Variants in GALNTL6 observed in about 807,000 individuals in gnomAD.
The protein encoded by GALNTL6 is polypeptide N-acetylgalactosaminyltransferase-like 6.
In GALNTL6, 46 loss-of-function variants were observed where a neutral mutation model predicts 73.7. That is an observed-to-expected ratio of 0.62 (90% CI 0.49 to 0.80). The LOEUF is 0.80. Among genes scored for constraint, GALNTL6 ranks in the 30% least tolerant of loss-of-function variants. The pLI is 0.00. For missense variants in GALNTL6, 604 were observed against 755.0 expected (o/e 0.80, Z 2.34); for synonymous variants, 259 against 263.7 (o/e 0.98, Z 0.17).
At chr4:172,542,863 C>T (rs904638369) in intron 5 of GALNTL6, among the ~76,000 whole-genome samples, 4 of 151,774 alleles carry the variant, frequency 2.6e-5, no homozygotes, top group Non-Finnish European at 5.9e-5. Context: ...GAGGCGCAGG[C>T]GGGTGGATCA....
chr4:172,149,318 T>TA (rs149294714), intron 2 of GALNTL6, among the ~76,000 whole-genome samples: 41 of 152,174 alleles, frequency 2.7e-4, no homozygotes, highest in Non-Finnish European at 5.4e-4. Context: ...TGGGTCTGGT[T>TA]AAAAATAAGT....
chr4:171,883,478 C>T (rs917076504), intron 2 of GALNTL6, among the ~76,000 whole-genome samples: 1 of 152,094 alleles, frequency 6.6e-6, no homozygotes, highest in Non-Finnish European at 1.5e-5. Flanking sequence ...TTTATTTGTG[C>T]GATTTGCCTG....
chr4:172,695,900 C>T (rs1733660808), intron 5 of GALNTL6, among the ~76,000 whole-genome samples: 2 of 152,042 alleles, frequency 1.3e-5, no homozygotes, highest in South Asian at 4.2e-4. Context: ...TTGCAGTGAG[C>T]TGAAATGGCA....
At chr4:172,633,113 G>A (rs1282092016) in intron 5 of GALNTL6, among the ~76,000 whole-genome samples, 2 of 152,230 alleles carry the variant, frequency 1.3e-5, no homozygotes, top group African/African-American at 4.8e-5. Context: ...GAAGGGAAAT[G>A]TGGGGTTGAA....
At chr4:172,391,120 G>C (rs1017808640) in intron 5 of GALNTL6, among the ~76,000 whole-genome samples, 1 of 152,138 alleles carries the variant, frequency 6.6e-6, no homozygotes, top group African/African-American at 2.4e-5. Flanking sequence ...AACTGTCTTG[G>C]TCCATGTGTG....
At chr4:172,942,541 C>CCA (rs1271532826) in intron 9 of GALNTL6, among the ~76,000 whole-genome samples, 3 of 152,154 alleles carry the variant, frequency 2.0e-5, no homozygotes, top group Admixed American at 6.5e-5. Flanking sequence ...GCACCATTGG[C>CCA]TTGATTACCA....
chr4:172,081,876 C>CTT (rs201769212), intron 2 of GALNTL6, among the ~76,000 whole-genome samples: 2,449 of 144,030 alleles, frequency 0.017, 61 homozygotes, highest in African/African-American at 0.055. Flanking sequence ...TTATTTATTC[C>CTT]TTTTTTTTTT....
intron 5 of GALNTL6, among the ~76,000 whole-genome samples, chr4:172,631,484 A>G (rs927116064): frequency 1.4e-4 from 21 of 152,136 alleles, no homozygotes; most frequent in Non-Finnish European, 4.4e-5. Flanking sequence ...AAAAAACAAA[A>G]TTTTCATTAC....
intron 5 of GALNTL6, among the ~76,000 whole-genome samples, chr4:172,524,511 T>C (rs1271757354): frequency 2.0e-5 from 3 of 152,190 alleles, no homozygotes; most frequent in Admixed American, 6.6e-5. Context: ...TAGCATTCCA[T>C]TGCATGAATA....
chr4:171,840,757 C>T (rs894122044), intron 2 of GALNTL6, among the ~76,000 whole-genome samples: 7 of 152,118 alleles, frequency 4.6e-5, no homozygotes, highest in African/African-American at 1.7e-4. Context: ...GCCAAGCATC[C>T]TTCTCTTGTT....
In GALNTL6 at chr4:172,062,987, C is replaced by T. The variant is rs149543353; in HGVS notation, c.139-166669C>T. Among the ~76,000 whole-genome samples, 193 of 152,292 alleles carry T rather than the reference C, an allele frequency of 1.3e-3. 1 individual carries two copies. Among genetic ancestry groups the T allele is most frequent in the Admixed American group, 2.4e-3 (36 of 15,278 alleles). ...GTATGGATTCTGGAAGCGTGCCTTGCAAAGTACTTTTCATTACTAGGAGCT... is the reference window on the plus strand; with the variant it reads ...GTATGGATTCTGGAAGCGTGCCTTGTAAAGTACTTTTCATTACTAGGAGCT... On this transcript the variant is annotated intron_variant, in intron 2 of 12. Transcript: ENST00000506823.
intron 7 of GALNTL6, among the ~76,000 whole-genome samples, chr4:172,837,051 C>T (rs1375879280): frequency 1.3e-5 from 2 of 152,156 alleles, no homozygotes; most frequent in African/African-American, 4.8e-5. Flanking sequence ...ATACGATTTT[C>T]ATTAAAATAA....
intron 7 of GALNTL6, among the ~76,000 whole-genome samples, chr4:172,819,738 A>C (rs1170767574): frequency 6.6e-6 from 1 of 152,216 alleles, no homozygotes; most frequent in East Asian, 1.9e-4. Flanking sequence ...ATTCAGGCTC[A>C]TAGAGGTTAA....
chr4:172,109,031 A>G (rs1229340243), intron 2 of GALNTL6, among the ~76,000 whole-genome samples: 1 of 54,446 alleles, frequency 1.8e-5, no homozygotes, highest in Non-Finnish European at 4.1e-5. Context: ...AAAAAAAAAA[A>G]AAAAAAAAAA....
At chr4:172,631,809 A>G (rs1478504803) in intron 5 of GALNTL6, among the ~76,000 whole-genome samples, 1 of 152,234 alleles carries the variant, frequency 6.6e-6, no homozygotes, top group African/African-American at 2.4e-5. Flanking sequence ...AAAGAAGTAC[A>G]TCTTTAATAA....
At chr4:172,575,814 G>T (rs909765537) in intron 5 of GALNTL6, among the ~76,000 whole-genome samples, 2 of 152,158 alleles carry the variant, frequency 1.3e-5, no homozygotes, top group African/African-American at 4.8e-5. Context: ...ATTTGGTGTA[G>T]AAATTGCTTC....
chr4:172,980,359 C>A (rs926748188), intron 10 of GALNTL6, among the ~76,000 whole-genome samples: 3 of 152,210 alleles, frequency 2.0e-5, no homozygotes, highest in African/African-American at 7.2e-5. Context: ...TGTTGTGCAA[C>A]CAGCACCACT....
intron 5 of GALNTL6, among the ~76,000 whole-genome samples, chr4:172,359,613 A>G (rs1161384809): frequency 6.6e-6 from 1 of 152,194 alleles, no homozygotes; most frequent in East Asian, 1.9e-4. Context: ...TACTGGAGGT[A>G]TGAATTTCAA....
intron 5 of GALNTL6, among the ~76,000 whole-genome samples, chr4:172,738,199 G>C (rs558433423): frequency 6.6e-6 from 1 of 152,216 alleles, no homozygotes; most frequent in Non-Finnish European, 1.5e-5. Flanking sequence ...TTCCAGTGTA[G>C]AAACCATGAG....
Sources: gnomAD v4.1 joint callset for allele counts (sites outside exome capture counted in the v4.1 genomes callset) on GRCh38, gnomAD v4.1.1 for gene constraint, MANE v1.5 for transcripts, NCBI Gene and HGNC (gene_info 2026-07-23, HGNC 2026-07-21) for gene names.